The following TANC2 variants were observed in gnomAD, a reference collection of about 807,000 sequenced individuals.
TANC2 encodes tetratricopeptide repeat, ankyrin repeat and coiled-coil containing 2.
A neutral mutation model predicts 210.5 loss-of-function variants in TANC2; 26 were observed. The ratio of observed to expected loss-of-function variants is 0.12; its 90% CI spans 0.09 to 0.17. The LOEUF (loss-of-function observed/expected upper bound fraction) is 0.17, where lower values mean the gene tolerates loss of function less well. Among genes scored for constraint, TANC2 ranks in the 10% least tolerant of loss-of-function variants. TANC2 has a pLI of 1.00. For synonymous variants in TANC2, 931 were observed against 967.1 expected, an observed-to-expected ratio of 0.96 and a Z score of 0.69; for missense variants, 2,129 against 2,608.9, an observed-to-expected ratio of 0.82 and a Z score of 4.01.
intron 5 of TANC2, among the ~76,000 whole-genome samples, chr17:63,185,609 G>A (rs558194197): frequency 7.9e-5 from 12 of 152,104 alleles, no homozygotes; most frequent in Non-Finnish European, 1.5e-4. Flanking sequence ...GATGCTACCA[G>A]TTTACATTCC....
exon 10 of TANC2, chr17:63,314,595 G>C: frequency 6.2e-7 from 1 of 1,613,968 alleles, no homozygotes; most frequent in Non-Finnish European, 8.5e-7. Context: ...ATCATCTCCA[G>C]ACTGGTGGCC....
intron 19 of TANC2, among the ~76,000 whole-genome samples, chr17:63,400,087 A>G (rs2048296541): frequency 6.6e-6 from 1 of 152,238 alleles, no homozygotes; most frequent in Non-Finnish European, 1.5e-5. Flanking sequence ...TGGAGTATGC[A>G]TATGTGTGTG....
intron 9 of TANC2, among the ~76,000 whole-genome samples, chr17:63,288,690 A>C (rs76958120): frequency 8.7e-4 from 133 of 152,246 alleles, no homozygotes; most frequent in African/African-American, 3.2e-3. Context: ...ATCATTATGT[A>C]ATACCCCTCC....
chr17:63,267,175 T>A (rs2043555667), intron 8 of TANC2, among the ~76,000 whole-genome samples: 1 of 152,196 alleles, frequency 6.6e-6, no homozygotes, highest in Admixed American at 6.5e-5. Flanking sequence ...ATAAAATGGA[T>A]ACTCTAGTAT....
intron 9 of TANC2, among the ~76,000 whole-genome samples, chr17:63,309,556 C>T (rs1325601564): frequency 6.6e-6 from 1 of 151,942 alleles, no homozygotes; most frequent in Non-Finnish European, 1.5e-5. Flanking sequence ...TAATATATAT[C>T]TGCTAAGATG....
chr17:63,411,915 G>A, intron 22 of TANC2, 83 bp from the exon 23 acceptor site: 1 of 1,566,038 alleles, frequency 6.4e-7, no homozygotes, highest in Non-Finnish European at 8.7e-7. Context: ...GTTGAAAAAG[G>A]GCAGGCAGCA....
At chr17:62,988,159 G>A (rs972938706) in intron 1 of TANC2, among the ~76,000 whole-genome samples, 2 of 152,038 alleles carry the variant, frequency 1.3e-5, no homozygotes, top group African/African-American at 2.4e-5. Context: ...ACATAGTCTT[G>A]CTCTGTCACC....
intron 7 of TANC2, among the ~76,000 whole-genome samples, chr17:63,204,396 A>T (rs978593730): frequency 3.9e-5 from 6 of 152,102 alleles, no homozygotes; most frequent in African/African-American, 1.2e-4. Context: ...TATTGTTAAG[A>T]TAACAATATT....
intron 9 of TANC2, among the ~76,000 whole-genome samples, chr17:63,280,528 A>G (rs2044029361): frequency 6.6e-6 from 1 of 152,062 alleles, no homozygotes; most frequent in Non-Finnish European, 1.5e-5. Flanking sequence ...TGCTTTTTTA[A>G]GAGTCCTTCC....
At chr17:63,141,037 A>G (rs1458121341) in intron 4 of TANC2, among the ~76,000 whole-genome samples, 1 of 151,994 alleles carries the variant, frequency 6.6e-6, no homozygotes, top group Non-Finnish European at 1.5e-5. Flanking sequence ...GGCGCAAGCC[A>G]CCATGCCTGC....
intron 11 of TANC2, among the ~76,000 whole-genome samples, chr17:63,328,729 A>G (rs907350496): frequency 1.3e-5 from 2 of 151,012 alleles, no homozygotes; most frequent in Admixed American, 1.3e-4. Flanking sequence ...AATAAGTTTT[A>G]AGATCTGTTA....
intron 4 of TANC2, chr17:63,148,138 T>C (rs2039525268): frequency 6.6e-6 from 1 of 152,226 alleles, no homozygotes; most frequent in African/African-American, 2.4e-5. Flanking sequence ...AATAGGACTC[T>C]AATGTAAGCA....
intron 2 of TANC2, among the ~76,000 whole-genome samples, chr17:63,056,903 T>C (rs1390795241): frequency 1.3e-5 from 2 of 152,236 alleles, no homozygotes; most frequent in Admixed American, 6.5e-5. Context: ...TCCCTTTTAT[T>C]GTTTAGGAGA....
At chr17:63,321,066 C>T (rs2045478620) in intron 11 of TANC2, among the ~76,000 whole-genome samples, 1 of 152,018 alleles carries the variant, frequency 6.6e-6, no homozygotes, top group South Asian at 2.1e-4. Flanking sequence ...GGTGTGGTAG[C>T]ATGTGCCTGT....
At chr17:63,119,392 AC>A (rs2038375613) in intron 4 of TANC2, among the ~76,000 whole-genome samples, 1 of 152,226 alleles carries the variant, frequency 6.6e-6, no homozygotes, top group Non-Finnish European at 1.5e-5. Flanking sequence ...ATCTGTTTAT[AC>A]AAGTGCCTTT....
In TANC2 at chr17:63,201,221, C is replaced by T. The variant is rs190262956; in HGVS notation, c.769+264C>T. 4.2e-3 allele frequency among the ~76,000 whole-genome samples: 633 copies of T among 152,114 alleles called. 2 individuals are homozygous for T. Among genetic ancestry groups the T allele is most frequent in the Non-Finnish European group, 6.8e-3 (459 of 67,984 alleles). ...AAAAAAAACTTCTGTCCACTTCTTC[C>T]TGTAAATGCACGTACATCAACTATC... On this transcript the variant is annotated intron_variant, in intron 7 of 27. Coordinates refer to ENST00000689528, the Ensembl canonical transcript of TANC2.
intron 2 of TANC2, among the ~76,000 whole-genome samples, chr17:63,070,804 C>T (rs1362237021): frequency 1.3e-5 from 2 of 151,938 alleles, no homozygotes; most frequent in Admixed American, 1.3e-4. Flanking sequence ...AACCACCACC[C>T]TAGTCTCTAC....
rs2049010215 is a variant in TANC2, at chr17:63,421,056, T to C, written c.5326T>C (p.Leu1776=). ...AGGCGCCATCTGTCAGCATGGAGGA[T>C]TGACCAAAGAGGATCTTCCACAGCG... Residue 1776 remains leucine, a synonymous_variant, in exon 28 of 28, where the codon TTG becomes CTG. Transcript: ENST00000689528. This position sits in a 1 kb window ranked among gnomAD's most constrained non-coding sequence, Gnocchi z 6.9. 6.2e-7 allele frequency: 1 copy of C among 1,613,948 alleles called. No individual in the cohort carries two copies. Among genetic ancestry groups the C allele is most frequent in the Non-Finnish European group, 8.5e-7 (1 of 1,179,856 alleles).
intron 1 of TANC2, among the ~76,000 whole-genome samples, chr17:62,992,368 G>T (rs1350472869): frequency 3.3e-5 from 5 of 152,162 alleles, no homozygotes; most frequent in Admixed American, 2.6e-4. Flanking sequence ...CAGTGTAATA[G>T]TTCTTATGTG....
Sources: gnomAD v4.1 joint callset for allele counts (sites outside exome capture counted in the v4.1 genomes callset) on GRCh38, gnomAD v4.1.1 for gene constraint, Gnocchi (gnomAD v3.1) non-coding constraint, MANE v1.5 for transcripts, NCBI Gene and HGNC (gene_info 2026-07-23, HGNC 2026-07-21) for gene names.